The following MAST1 variants were observed in gnomAD, a reference collection of about 807,000 sequenced individuals.
The protein encoded by MAST1 is microtubule associated serine/threonine kinase 1.
Under a neutral mutation model 124.6 loss-of-function variants are expected in MAST1, and 40 were observed. That is an observed-to-expected ratio of 0.32 (90% CI 0.25 to 0.42). The LOEUF (loss-of-function observed/expected upper bound fraction) is 0.42. Among genes scored for constraint, MAST1 ranks in the 10% least tolerant of loss-of-function variants. The pLI is 1.00. For synonymous variants in MAST1, 938 were observed against 939.4 expected (o/e 1.00, Z 0.03); for missense variants, 1,558 against 2,181.9 (o/e 0.71, Z 5.70).
chr19:12,849,135 G>T (rs1969931766), intron 7 of MAST1, among the ~76,000 whole-genome samples: 1 of 152,072 alleles, frequency 6.6e-6, no homozygotes, highest in Admixed American at 6.6e-5. Flanking sequence ...GTGAGGGTGG[G>T]GGGGTGGAGT....
intron 12 of MAST1, chr19:12,859,017 ATC>A: frequency 1.9e-6 from 1 of 518,194 alleles, no homozygotes; most frequent in Non-Finnish European, 3.4e-6. Context: ...GTGCTAATCC[ATC>A]TGTTTTTCCA....
rs1969850738 is a variant in MAST1, at chr19:12,843,026, A to G, written c.249-503A>G. 6.6e-6 allele frequency among the ~76,000 whole-genome samples: 1 copy of G among 152,172 alleles called. No individual in the cohort carries two copies. Among genetic ancestry groups the G allele is most frequent in the African/African-American group, 2.4e-5 (1 of 41,432 alleles). Reference sequence around the variant, plus strand: ...AAGTGTAAATGTGTGCACTGCCAGTATGTGAGCCTGACCTGATAGTCACAC... The same window carrying G: ...AAGTGTAAATGTGTGCACTGCCAGTGTGTGAGCCTGACCTGATAGTCACAC... On this transcript the variant is annotated intron_variant, in intron 3 of 25. Transcript: ENST00000251472. This position sits in a 1 kb window ranked among gnomAD's most constrained non-coding sequence, Gnocchi z 4.9.
At chr19:12,839,756 A>C (rs1341125337) in intron 1 of MAST1, among the ~76,000 whole-genome samples, 1 of 152,130 alleles carries the variant, frequency 6.6e-6, no homozygotes, top group Non-Finnish European at 1.5e-5. Context: ...GGGATCATGC[A>C]TCCTGGCCAG....
rs1386692070 is a variant in MAST1, at chr19:12,841,279, G to T, written c.248+213G>T. Among the ~76,000 whole-genome samples the T allele has an allele frequency of 6.6e-6, 1 of 152,270 alleles. No homozygotes were observed. The highest frequency in any genetic ancestry group is 1.5e-5 in the Non-Finnish European group (1 of 68,042). ...ATCGCCGATCTGGAACGGGGAAGGC[G>T]GTGGGGCTCCCTTTGCGGCAGGTCG... On this transcript the variant is annotated intron_variant, in intron 3 of 25. Transcript: ENST00000251472. This position sits in a 1 kb window ranked among gnomAD's most constrained non-coding sequence, Gnocchi z 4.3.
In MAST1 at chr19:12,865,642, G is replaced by C; in HGVS notation, c.1805-75G>C. On this transcript the variant is annotated intron_variant, in intron 15 of 25. Transcript: ENST00000251472. The surrounding 1 kb of genome is among the most constrained non-coding windows in gnomAD (Gnocchi z 7.1). Reference sequence around the variant, plus strand: ...TGATCGTGCCACTGCACTCCAGCTGGGTGACACAGTGAGATCCTGTGTCCA... The same window carrying C: ...TGATCGTGCCACTGCACTCCAGCTGCGTGACACAGTGAGATCCTGTGTCCA... 1 of 1,456,736 alleles carries C rather than the reference G, an allele frequency of 6.9e-7. No homozygotes were observed. Among genetic ancestry groups the C allele is most frequent in the Non-Finnish European group, 9.5e-7 (1 of 1,056,904 alleles). 90.2% of individuals were successfully genotyped at this position (1,456,736 alleles called of 1,614,324 possible).
intron 22 of MAST1, among the ~76,000 whole-genome samples, chr19:12,870,480 G>C (rs765845967): frequency 7.2e-6 from 1 of 138,438 alleles, no homozygotes; most frequent in African/African-American, 2.8e-5. Context: ...GACAGAGCGA[G>C]AGACTCCGTC....
intron 22 of MAST1, among the ~76,000 whole-genome samples, chr19:12,869,736 G>A (rs1018069102): frequency 5.3e-5 from 8 of 151,618 alleles, no homozygotes; most frequent in Admixed American, 4.6e-4. Context: ...GTGCCTGGCC[G>A]AGACTGTTTC....
At chr19:12,858,463 C>CG (rs765706855) in intron 11 of MAST1, 22 bp downstream of exon 11, 7 of 1,612,024 alleles carry the variant, frequency 4.3e-6, no homozygotes, top group Middle Eastern at 3.3e-4. Context: ...GGGGCTCTGG[C>CG]GGGGGGAGGG....
chr19:12,869,019 GTCTA>G (rs1568414763), intron 21 of MAST1, 43 bp from the exon 22 acceptor site: 3 of 1,589,746 alleles, frequency 1.9e-6, no homozygotes, highest in South Asian at 2.2e-5. Flanking sequence ...ACAGGGAGAT[GTCTA>G]TCTTCTTGGT....
At position 12,848,001 on chromosome 19, in the gene MAST1, A is replaced by G; in HGVS notation, c.718A>G (p.Ile240Val). 6.2e-7 allele frequency: 1 copy of G among 1,614,172 alleles called. No individual in the cohort carries two copies. Among genetic ancestry groups the G allele is most frequent in the Non-Finnish European group, 8.5e-7 (1 of 1,180,006 alleles). Residue 240 changes from isoleucine to valine, a missense_variant, in exon 7 of 26, where the codon ATC becomes GTC. This residue lies in a region of MAST1 where 165 missense variants were observed against 315.3 expected (regional missense o/e 0.52). Coordinates refer to ENST00000251472, the MANE Select transcript of MAST1 (RefSeq NM_014975.3). ...DCLTKSRDGL[I>V]TTVYFYELQE... ...CCTGACCAAGTCCCGTGACGGCCTC[A>G]TCACCACGGTCTACTTCTATGAATT...
intron 12 of MAST1, among the ~76,000 whole-genome samples, chr19:12,864,580 T>C (rs910260079): frequency 6.6e-6 from 1 of 151,920 alleles, no homozygotes; most frequent in African/African-American, 2.4e-5. Context: ...TTTCTTTGAG[T>C]CTCCATCCCT....
intron 4 of MAST1, among the ~76,000 whole-genome samples, chr19:12,846,709 T>C (rs1341128468): frequency 6.6e-6 from 1 of 151,650 alleles, no homozygotes; most frequent in Non-Finnish European, 1.5e-5. Context: ...AAACACTGTC[T>C]CTACTAAAAA....
chr19:12,865,551 A>G lies in MAST1; in HGVS notation c.1804+70A>G. On this transcript the variant is annotated intron_variant, in intron 15 of 25. Coordinates refer to ENST00000251472, the MANE Select transcript of MAST1 (RefSeq NM_014975.3). The surrounding 1 kb of genome is among the most constrained non-coding windows in gnomAD (Gnocchi z 7.1). ...GAGAGATGGACAGGCTCAGGGTTCC[A>G]GGGATTTCAAAAGCGACCCCCCAGA... 1 of 1,521,638 alleles carries G rather than the reference A, an allele frequency of 6.6e-7. No individual in the cohort carries two copies. The highest frequency in any genetic ancestry group is 8.8e-7 in the Non-Finnish European group (1 of 1,131,904). The allele number at this position is 1,521,638 out of a possible 1,614,324, so 94.3% of individuals were successfully genotyped here.
At chr19:12,858,941 T>C in intron 12 of MAST1, 1 of 617,278 alleles carries the variant, frequency 1.6e-6, no homozygotes, top group South Asian at 2.0e-5. Flanking sequence ...TTGTTTTTCA[T>C]TTCATTCAGC....
intron 12 of MAST1, among the ~76,000 whole-genome samples, chr19:12,860,450 T>TC (rs1184459332): frequency 1.4e-5 from 2 of 144,764 alleles, no homozygotes; most frequent in African/African-American, 5.1e-5. Flanking sequence ...TTCTTTCTTT[T>TC]TTTTTTTTTT....
At chr19:12,848,334 A>T in intron 7 of MAST1, 2 of 357,352 alleles carry the variant, frequency 5.6e-6, no homozygotes, top group African/African-American at 2.1e-5. Flanking sequence ...AAAATATTAA[A>T]CTCGGCCGGG....
intron 12 of MAST1, 129 bp from the exon 13 acceptor site, chr19:12,864,680 C>A (rs1354400368): frequency 5.8e-6 from 7 of 1,201,584 alleles, no homozygotes; most frequent in Non-Finnish European, 8.2e-6. Flanking sequence ...GGAGGGAGGC[C>A]CCTCTCAGAG....
At chr19:12,853,449 G>A (rs550476522) in intron 10 of MAST1, among the ~76,000 whole-genome samples, 7 of 151,854 alleles carry the variant, frequency 4.6e-5, no homozygotes, top group East Asian at 2.0e-4. Context: ...CCAGCTACTC[G>A]GGAGGCTGAG....
Position 12,874,784 on chromosome 19 carries a change from C to T in MAST1, c.4627C>T (p.Leu1543=). 6.2e-7 allele frequency: 1 copy of T among 1,603,526 alleles called. No homozygotes were observed. Among genetic ancestry groups the T allele is most frequent in the African/African-American group, 1.3e-5 (1 of 74,850 alleles). ...LGSGTKPQVG[L]TSRCPAEAVP... ...CTCAGGCACCAAGCCTCAAGTGGGGCTGACCTCCCGGTGCCCTGCTGAAGC... is the reference window on the plus strand; with the variant it reads ...CTCAGGCACCAAGCCTCAAGTGGGGTTGACCTCCCGGTGCCCTGCTGAAGC... Residue 1543 remains leucine, a synonymous_variant, in exon 26 of 26, where the codon CTG becomes TTG. Coordinates refer to ENST00000251472, the MANE Select transcript of MAST1 (RefSeq NM_014975.3). This position sits in a 1 kb window ranked among gnomAD's most constrained non-coding sequence, Gnocchi z 6.6.
Sources: allele counts gnomAD v4.1 joint callset (sites outside exome capture counted in the v4.1 genomes callset), GRCh38; gene constraint gnomAD v4.1.1; regional missense constraint gnomAD v4.1.1; non-coding constraint Gnocchi (gnomAD v3.1); transcripts MANE v1.5; gene names NCBI Gene and HGNC (gene_info 2026-07-23, HGNC 2026-07-21).